Variants in CUL9 observed in about 807,000 individuals in gnomAD.
The protein encoded by CUL9 is cullin 9, also known as cullin-9.
Under a neutral mutation model 272.6 loss-of-function variants are expected in CUL9, and 79 were observed. The observed-to-expected ratio is 0.29, with a 90% CI of 0.24 to 0.35. The LOEUF (loss-of-function observed/expected upper bound fraction) is 0.35, where lower values mean the gene tolerates loss of function less well. CUL9 is among the 10% of genes least tolerant of loss of function. The pLI is 1.00. For synonymous variants in CUL9, 1,186 were observed against 1,286.5 expected (o/e 0.92, Z 1.67); for missense variants, 2,532 against 3,255.6 (o/e 0.78, Z 5.41).
Position 43,205,433 on chromosome 6 carries a change from G to A in CUL9, c.4793+10G>A, listed in dbSNP as rs1228115873. The A allele has an allele frequency of 6.2e-7, 1 of 1,610,010 alleles. No homozygotes were observed. On this transcript the variant is annotated intron_variant, in intron 24 of 40. Transcript: ENST00000252050. ...TTGAGCACTTCTATCAGTGAGTGCA[G>A]GTCTGGAGGCATAGGGGATGGGAGG...
At chr6:43,183,715 T>TTCCTTCCC (rs1208836584) in intron 1 of CUL9, among the ~76,000 whole-genome samples, 3 of 151,742 alleles carry the variant, frequency 2.0e-5, no homozygotes, top group Non-Finnish European at 4.4e-5. Context: ...TCTTCCTTCC[T>TTCCTTCCC]TCCTTCCTTC....
chr6:43,221,567 G>C lies in CUL9; in HGVS notation c.6753-118G>C, dbSNP rs1413343882. ...CAGCAGGGCTGGGTATGACTAAGGA[G>C]ACTATCAGGGCAGGAGCAGAGGCCA... On this transcript the variant is annotated intron_variant, in intron 34 of 40. Coordinates refer to ENST00000252050, the MANE Select transcript of CUL9 (RefSeq NM_015089.4). This position sits in a 1 kb window ranked among gnomAD's most constrained non-coding sequence, Gnocchi z 4.2. The C allele has an allele frequency of 2.0e-6, 2 of 990,008 alleles. No individual in the cohort carries two copies. The highest frequency in any genetic ancestry group is 4.6e-5 in the Admixed American group (2 of 43,936). 61.3% of individuals were successfully genotyped at this position (990,008 alleles called of 1,614,324 possible).
At position 43,187,745 on chromosome 6, in the gene CUL9, T is replaced by C. The variant is rs766111653; in HGVS notation, c.1614T>C (p.Ser538=). ...GTGAAAAGGCCCTAGGTGAGATCTC[T>C]GTGTCCGTGGAAATGGCCGAGAGTC... ...TLGEKALGEI[S]VSVEMAESLL... Residue 538 remains serine (S), a synonymous_variant, in exon 7 of 41, where the codon TCT becomes TCC. Coordinates refer to ENST00000252050, the MANE Select transcript of CUL9 (RefSeq NM_015089.4). 1 of 1,613,214 alleles carries C rather than the reference T, an allele frequency of 6.2e-7. No individual in the cohort carries two copies. Among genetic ancestry groups the C allele is most frequent in the East Asian group, 2.2e-5 (1 of 44,874 alleles).
Position 43,213,368 on chromosome 6 carries a change from C to G in CUL9, c.5359-70C>G. On this transcript the variant is annotated intron_variant, in intron 27 of 40. Coordinates refer to ENST00000252050, the MANE Select transcript of CUL9 (RefSeq NM_015089.4). This position sits in a 1 kb window ranked among gnomAD's most constrained non-coding sequence, Gnocchi z 5.7. The stretch of plus-strand genomic sequence containing the variant: ...CGCTGTTCTCCTCCTAAACCCTGTT[C>G]CTCCTTCATCCTTACTCCCCTCTTC... 6.2e-7 allele frequency: 1 copy of G among 1,609,980 alleles called. No homozygotes were observed. The highest frequency in any genetic ancestry group is 8.5e-7 in the Non-Finnish European group (1 of 1,176,952).
At chr6:43,188,292 C>G in intron 7 of CUL9, 174 bp downstream of exon 7, 1 of 845,838 alleles carries the variant, frequency 1.2e-6, no homozygotes, top group Non-Finnish European at 1.8e-6. Context: ...ATTTAATTAA[C>G]CAGCGCTCCC....
Position 43,206,254 on chromosome 6 carries a change from G to A in CUL9, c.5022+19G>A. On this transcript the variant is annotated intron_variant, in intron 25 of 40. Transcript: ENST00000252050. The surrounding 1 kb of genome is among the most constrained non-coding windows in gnomAD (Gnocchi z 4.8). ...AGAGGAGGTAAGAGCAGGGAGAATA[G>A]GAGAGTGAGAGAAGACTAGACCAAG... The A allele has an allele frequency of 1.9e-6, 3 of 1,612,012 alleles. No individual in the cohort carries two copies. Among genetic ancestry groups the A allele is most frequent in the Non-Finnish European group, 2.5e-6 (3 of 1,178,784 alleles).
In CUL9 at chr6:43,196,710, T is replaced by A. The variant is rs1382132569; in HGVS notation, c.2651T>A (p.Leu884Gln). 3 of 1,614,222 alleles carry A rather than the reference T, an allele frequency of 1.9e-6. No homozygotes were observed. The South Asian group carries it at 3.3e-5, about 18-fold the overall frequency. ...CTACTTTTGTGCAACCACCACACTCTGGGAGACCAGATTATAACCCAAGAG... is the reference window on the plus strand; with the variant it reads ...CTACTTTTGTGCAACCACCACACTCAGGGAGACCAGATTATAACCCAAGAG... ...LNLLLCNHHT[L>Q]GDQIITQELR... Residue 884 changes from leucine (L) to glutamine (Q), a missense_variant, in exon 11 of 41, where the codon CTG becomes CAG. Physicochemically the swap from Leu to Gln is moderately radical, Grantham distance 113 (BLOSUM62 -2). Around this residue, in one of 3 missense-constraint regions of CUL9, gnomAD observed 2,218 missense variants for 2,788.6 expected, o/e 0.80. Transcript: ENST00000252050.
At position 43,203,846 on chromosome 6, in the gene CUL9, G is replaced by T; in HGVS notation, c.4026-8G>T. On this transcript the variant is annotated splice_region_variant and splice_polypyrimidine_tract_variant and intron_variant, in intron 19 of 40. Coordinates refer to ENST00000252050, the MANE Select transcript of CUL9 (RefSeq NM_015089.4). This position sits in a 1 kb window ranked among gnomAD's most constrained non-coding sequence, Gnocchi z 5.0. Reference sequence around the variant, plus strand: ...ATTAATCCTCCGCCATGCACTGTTTGTTCCCAGACTGAACAGGGTTTTGCG... The same window carrying T: ...ATTAATCCTCCGCCATGCACTGTTTTTTCCCAGACTGAACAGGGTTTTGCG... 2 of 1,605,398 alleles carry T rather than the reference G, an allele frequency of 1.2e-6. No homozygotes were observed. Among genetic ancestry groups the T allele is most frequent in the Non-Finnish European group, 1.7e-6 (2 of 1,174,738 alleles).
Position 43,213,537 on chromosome 6 carries a change from C to A in CUL9, c.5458C>A (p.Leu1820Met). The A allele has an allele frequency of 6.2e-7, 1 of 1,612,756 alleles. No homozygotes were observed. The highest frequency in any genetic ancestry group is 8.5e-7 in the Non-Finnish European group (1 of 1,179,638). Residue 1820 changes from leucine to methionine, a missense_variant, in exon 28 of 41, where the codon CTG becomes ATG. Transcript: ENST00000252050. This position sits in a 1 kb window ranked among gnomAD's most constrained non-coding sequence, Gnocchi z 5.7. ...PLTSGNGPLT[L>M]HEGQDFPHGG... Reference sequence around the variant, plus strand: ...CACCTCAGGGAATGGCCCTTTGACCCTGCATGAGGGCCAGGACTTTCCACA... The same window carrying A: ...CACCTCAGGGAATGGCCCTTTGACCATGCATGAGGGCCAGGACTTTCCACA...
At chr6:43,219,795 G>A (rs1047492736) in intron 31 of CUL9, among the ~76,000 whole-genome samples, 5 of 152,096 alleles carry the variant, frequency 3.3e-5, no homozygotes, top group African/African-American at 1.2e-4. Flanking sequence ...GACCGGGAGA[G>A]GAGACCATGG....
chr6:43,199,903 A>G lies in CUL9; in HGVS notation c.3157-26A>G. 1 of 1,576,510 alleles carries G rather than the reference A, an allele frequency of 6.3e-7. No homozygotes were observed. Among genetic ancestry groups the G allele is most frequent in the Non-Finnish European group, 8.7e-7 (1 of 1,146,344 alleles). Reference sequence around the variant, plus strand: ...ATGTCCTACCTCTTGTTTCCTGTAAATTAATCTATGTGGCTCTGGGCTCAG... The same window carrying G: ...ATGTCCTACCTCTTGTTTCCTGTAAGTTAATCTATGTGGCTCTGGGCTCAG... On this transcript the variant is annotated intron_variant, in intron 13 of 40. Transcript: ENST00000252050. This position sits in a 1 kb window ranked among gnomAD's most constrained non-coding sequence, Gnocchi z 4.4.
chr6:43,195,683 A>C (rs891424941), intron 9 of CUL9, among the ~76,000 whole-genome samples: 2 of 152,274 alleles, frequency 1.3e-5, no homozygotes, highest in African/African-American at 4.8e-5. Context: ...GATGGGAGAC[A>C]ACTGTAAGAA....
Position 43,215,186 on chromosome 6 carries a change from C to T in CUL9, c.5796C>T (p.His1932=). 1 of 1,614,224 alleles carries T rather than the reference C, an allele frequency of 6.2e-7. No individual in the cohort carries two copies. Among genetic ancestry groups the T allele is most frequent in the Non-Finnish European group, 8.5e-7 (1 of 1,180,040 alleles). The change falls in exon 30 of 41, where the codon CAC becomes CAT. Residue 1932 remains histidine (H), a synonymous_variant. Coordinates refer to ENST00000252050, the MANE Select transcript of CUL9 (RefSeq NM_015089.4). ...TSTDVLSCIL[H]LLGQGYVKRR... is the part of the protein sequence containing the mutation. ...CAGATGTCCTCTCTTGCATCCTGCA[C>T]CTCTTAGGCCAGGGCTACGTGAAAC...
Position 43,221,498 on chromosome 6 carries a change from G to A in CUL9, c.6752+177G>A, listed in dbSNP as rs1389502455. 4 of 893,392 alleles carry A rather than the reference G, an allele frequency of 4.5e-6. No individual in the cohort carries two copies. Among genetic ancestry groups the A allele is most frequent in the South Asian group, 3.4e-5 (2 of 59,598 alleles). The allele number at this position is 893,392 out of a possible 1,614,324, so 55.3% of individuals were successfully genotyped here. A position where few individuals can be genotyped will look rare whatever the true frequency, so the allele number is the denominator to read the frequency against. On this transcript the variant is annotated intron_variant, in intron 34 of 40. Transcript: ENST00000252050. The surrounding 1 kb of genome is among the most constrained non-coding windows in gnomAD (Gnocchi z 4.2). ...GATCTTAATGTTCCTTCTCCCACTC[G>A]TAAGTCCACACTGACTGGGGGAGTT...
At chr6:43,211,462 G>A (rs1775476742) in intron 26 of CUL9, among the ~76,000 whole-genome samples, 1 of 152,216 alleles carries the variant, frequency 6.6e-6, no homozygotes, top group Admixed American at 6.5e-5. Context: ...GGAGGCTGAG[G>A]CAGGAGAATT....
In CUL9 at chr6:43,200,510, C is replaced by T. The variant is rs777777060; in HGVS notation, c.3459C>T (p.Leu1153=). 2.3e-5 allele frequency: 37 copies of T among 1,614,082 alleles called. No homozygotes were observed. The highest frequency in any genetic ancestry group is 3.1e-5 in the Non-Finnish European group (37 of 1,180,036). The change falls in exon 15 of 41, where the codon CTC becomes CTT. Residue 1153 remains leucine, a synonymous_variant. Transcript: ENST00000252050. The surrounding 1 kb of genome is among the most constrained non-coding windows in gnomAD (Gnocchi z 4.0). ...ATATCCCCTTCTTTGATGTGTTCCT[C>T]AGGCATCTCTGCCAGGGTTAGTGCC... ...PINIPFFDVF[L]RHLCQGSSVE...
At position 43,223,748 on chromosome 6, in the gene CUL9, G is replaced by A. The variant is rs1370261473; in HGVS notation, c.7285-347G>A. 4.0e-6 allele frequency: 2 copies of A among 499,322 alleles called. No homozygotes were observed. Among genetic ancestry groups the A allele is most frequent in the South Asian group, 5.0e-5 (2 of 39,786 alleles). 30.9% of individuals were successfully genotyped at this position (499,322 alleles called of 1,614,324 possible). A position where few individuals can be genotyped will look rare whatever the true frequency, so the allele number is the denominator to read the frequency against. Reference sequence around the variant, plus strand: ...GGGCATCAGGGGATTGGGGTCACTGGAGCAAGGGCTCTCCCAGGCTCTCTC... The same window carrying A: ...GGGCATCAGGGGATTGGGGTCACTGAAGCAAGGGCTCTCCCAGGCTCTCTC... On this transcript the variant is annotated intron_variant, in intron 39 of 40. Coordinates refer to ENST00000252050, the MANE Select transcript of CUL9 (RefSeq NM_015089.4). This position sits in a 1 kb window ranked among gnomAD's most constrained non-coding sequence, Gnocchi z 4.1.
At chr6:43,185,884 G>A (rs1166368321) in intron 3 of CUL9, 71 bp from the exon 4 acceptor site, 39 of 1,518,522 alleles carry the variant, frequency 2.6e-5, no homozygotes, top group East Asian at 6.8e-5. Context: ...CTGTAGAGGA[G>A]GATACTTCAG....
intron 26 of CUL9, among the ~76,000 whole-genome samples, chr6:43,207,794 G>A (rs1178951805): frequency 6.6e-6 from 1 of 152,084 alleles, no homozygotes; most frequent in Non-Finnish European, 1.5e-5. Flanking sequence ...CTGGTAGATG[G>A]TCATATTTTA....
Sources: allele counts gnomAD v4.1 joint callset (sites outside exome capture counted in the v4.1 genomes callset), GRCh38; gene constraint gnomAD v4.1.1; regional missense constraint gnomAD v4.1.1; non-coding constraint Gnocchi (gnomAD v3.1); transcripts MANE v1.5; gene names NCBI Gene and HGNC (gene_info 2026-07-23, HGNC 2026-07-21).